Variants in CTNNA1 observed in about 807,000 individuals in gnomAD.
The protein encoded by CTNNA1 is catenin alpha-1.
Under a neutral mutation model 98.4 loss-of-function variants are expected in CTNNA1, and 37 were observed. The observed-to-expected ratio is 0.38, with a 90% CI of 0.29 to 0.49. The LOEUF (loss-of-function observed/expected upper bound fraction) is 0.49. Ranked by LOEUF, CTNNA1 falls within the 20% of genes least tolerant of loss-of-function variation. The pLI, the probability that CTNNA1 is intolerant of heterozygous loss-of-function variation, is 0.95. For synonymous variants in CTNNA1, 404 were observed against 413.2 expected, an observed-to-expected ratio of 0.98 and a Z score of 0.27; for missense variants, 761 against 1,147.2, an observed-to-expected ratio of 0.66 and a Z score of 4.86.
intron 7 of CTNNA1, among the ~76,000 whole-genome samples, chr5:138,832,333 A>G (rs1761350370): frequency 6.6e-6 from 1 of 152,194 alleles, no homozygotes; most frequent in Admixed American, 6.5e-5. Context: ...TCACAGACCC[A>G]TGACAGTGGA....
Position 138,874,044 on chromosome 5 carries a change from G to T in CTNNA1, c.1063-12168G>T. On this transcript the variant is annotated intron_variant, in intron 7 of 17. Coordinates refer to ENST00000302763, the MANE Select transcript of CTNNA1 (RefSeq NM_001903.5). This position sits in a 1 kb window ranked among gnomAD's most constrained non-coding sequence, Gnocchi z 4.1. ...CGACAGTCCCAGAACAGGCGTACTG[G>T]GATAGTCCGCAGGGAGTTGGAACGT... 1 of 1,613,922 alleles carries T rather than the reference G, an allele frequency of 6.2e-7. No homozygotes were observed. The highest frequency in any genetic ancestry group is 8.5e-7 in the Non-Finnish European group (1 of 1,179,864).
chr5:138,818,023 C>A (rs1034458526), intron 5 of CTNNA1, among the ~76,000 whole-genome samples: 1 of 152,062 alleles, frequency 6.6e-6, no homozygotes, highest in East Asian at 1.9e-4. Flanking sequence ...CCTGCGCCCC[C>A]GCCCCCACAA....
At chr5:138,761,762 T>C (rs899973102) in intron 1 of CTNNA1, among the ~76,000 whole-genome samples, 1 of 152,126 alleles carries the variant, frequency 6.6e-6, no homozygotes, top group African/African-American at 2.4e-5. Flanking sequence ...TGAGGTCTTT[T>C]TGTTGTTGTT....
intron 3 of CTNNA1, among the ~76,000 whole-genome samples, chr5:138,804,621 A>T (rs1229112304): frequency 4.6e-5 from 7 of 152,214 alleles, no homozygotes; most frequent in Non-Finnish European, 1.0e-4. Flanking sequence ...CACATGTATC[A>T]GCACTTCATT....
At chr5:138,754,231 GT>G (rs11382611) in intron 1 of CTNNA1, 80 of 145,734 alleles carry the variant, frequency 5.5e-4, no homozygotes, top group Non-Finnish European at 7.4e-4. Context: ...CATTAGAGAG[GT>G]TTTTTTTTTT....
intron 16 of CTNNA1, among the ~76,000 whole-genome samples, chr5:138,931,378 A>G (rs771417443): frequency 5.3e-5 from 8 of 152,168 alleles, no homozygotes; most frequent in African/African-American, 1.2e-4. Flanking sequence ...TGTACAATAC[A>G]TTTCATTTGG....
chr5:138,754,014 A>C (rs190326030), intron 1 of CTNNA1: 1 of 151,870 alleles, frequency 6.6e-6, no homozygotes, highest in Non-Finnish European at 1.5e-5. Flanking sequence ...CCGGCCGCTG[A>C]GACTTCCCGA....
At chr5:138,841,608 C>T (rs1762276232) in intron 7 of CTNNA1, among the ~76,000 whole-genome samples, 1 of 132,080 alleles carries the variant, frequency 7.6e-6, no homozygotes. Flanking sequence ...CTGTTGGGCA[C>T]CAATTCCATT....
chr5:138,923,514 GTTTT>G (rs893754939), intron 11 of CTNNA1, among the ~76,000 whole-genome samples: 1 of 152,108 alleles, frequency 6.6e-6, no homozygotes, highest in East Asian at 1.9e-4. Context: ...CTGGAAAGGT[GTTTT>G]TTGTTTGTTT....
At chr5:138,837,275 T>C (rs910469179) in intron 7 of CTNNA1, among the ~76,000 whole-genome samples, 17 of 152,186 alleles carry the variant, frequency 1.1e-4, no homozygotes, top group African/African-American at 4.1e-4. Context: ...ATTGTGAAGG[T>C]AGAATTTGGA....
chr5:138,846,243 C>T (rs1025754407), intron 7 of CTNNA1, among the ~76,000 whole-genome samples: 5 of 152,152 alleles, frequency 3.3e-5, no homozygotes, highest in African/African-American at 9.7e-5. Context: ...CGAGCCACTG[C>T]GCCTGGCCCA....
rs1764957902 is a variant in CTNNA1 at position 138,930,004 on chromosome 5, T to TG, written c.2011-468dup. ...AGGTGGGCAGCAGGCCTCCAGGTGT[T>TG]GCTCAAGTATGGCCTGAGTGCCAGC... On this transcript the variant is annotated intron_variant, in intron 14 of 17. Transcript: ENST00000302763. Among the ~76,000 whole-genome samples the TG allele has an allele frequency of 2.6e-5, 4 of 152,292 alleles. No homozygotes were observed. The South Asian group carries it at 8.3e-4, about 32-fold the overall frequency.
At chr5:138,811,747 C>T (rs1290969204) in intron 4 of CTNNA1, among the ~76,000 whole-genome samples, 3 of 152,084 alleles carry the variant, frequency 2.0e-5, no homozygotes, top group Non-Finnish European at 4.4e-5. Flanking sequence ...GAAACCCCGT[C>T]TCCACCAAAA....
At chr5:138,914,718 A>G (rs771712967) in intron 10 of CTNNA1, among the ~76,000 whole-genome samples, 1 of 151,942 alleles carries the variant, frequency 6.6e-6, no homozygotes, top group African/African-American at 2.4e-5. Context: ...ATAAATTGGG[A>G]ATTACACCCA....
chr5:138,888,287 T>A lies in CTNNA1; in HGVS notation c.1296+645T>A, dbSNP rs1754534152. ...GACTTATTTCGCAGGTAAGTTAGGC[T>A]TACTTCTCCTTTTGCTAACTGAAAT... On this transcript the variant is annotated intron_variant, in intron 9 of 17. Coordinates refer to ENST00000302763, the MANE Select transcript of CTNNA1 (RefSeq NM_001903.5). Among the ~76,000 whole-genome samples, 4 of 152,190 alleles carry A rather than the reference T, an allele frequency of 2.6e-5. No individual in the cohort carries two copies. In the South Asian group the frequency reaches 8.3e-4, roughly 32 times the overall value.
At chr5:138,804,073 A>G (rs761838631) in intron 3 of CTNNA1, among the ~76,000 whole-genome samples, 18 of 152,130 alleles carry the variant, frequency 1.2e-4, no homozygotes, top group Non-Finnish European at 2.4e-4. Context: ...TACCAACCCT[A>G]TTTTGTCTCC....
At chr5:138,905,131 A>ATACATACATAC (rs1758954733) in intron 10 of CTNNA1, among the ~76,000 whole-genome samples, 2 of 114,972 alleles carry the variant, frequency 1.7e-5, no homozygotes, top group East Asian at 2.0e-4. Flanking sequence ...TACATACATA[A>ATACATACATAC]ATACAAAAAT....
At chr5:138,803,706 A>AT (rs1430078855) in intron 3 of CTNNA1, among the ~76,000 whole-genome samples, 4 of 151,988 alleles carry the variant, frequency 2.6e-5, no homozygotes, top group East Asian at 1.9e-4. Context: ...ATCAAATGGT[A>AT]TTTTTTCAAG....
chr5:138,909,711 G>A (rs558877909), intron 10 of CTNNA1, among the ~76,000 whole-genome samples: 1 of 152,158 alleles, frequency 6.6e-6, no homozygotes, highest in South Asian at 2.1e-4. Context: ...TCTTCCTTCT[G>A]CCTCCCTAGA....
Sources: gnomAD v4.1 joint callset for allele counts (sites outside exome capture counted in the v4.1 genomes callset) on GRCh38, gnomAD v4.1.1 for gene constraint, Gnocchi (gnomAD v3.1) non-coding constraint, MANE v1.5 for transcripts, NCBI Gene and HGNC (gene_info 2026-07-23, HGNC 2026-07-21) for gene names.